Variants in HNRNPLL observed in about 807,000 individuals in gnomAD.
The protein encoded by HNRNPLL is heterogeneous nuclear ribonucleoprotein L-like.
Under a neutral mutation model 67.1 loss-of-function variants are expected in HNRNPLL, and 25 were observed. The observed-to-expected ratio is 0.37, with a 90% CI of 0.27 to 0.52. The LOEUF is 0.52. HNRNPLL is among the 20% of genes least tolerant of loss of function. HNRNPLL has a pLI of 0.90. For synonymous variants in HNRNPLL, 267 were observed against 241.7 expected (o/e 1.10, Z -0.97); for missense variants, 542 against 673.9 (o/e 0.80, Z 2.17).
chr2:38,588,222 T>A (rs17493594), intron 2 of HNRNPLL, among the ~76,000 whole-genome samples: 1 of 152,078 alleles, frequency 6.6e-6, no homozygotes, highest in Non-Finnish European at 1.5e-5. Flanking sequence ...TGGCCTGTTA[T>A]AGACTTAGTA....
chr2:38,602,595 G>A lies in HNRNPLL; in HGVS notation c.32C>T (p.Thr11Met), dbSNP rs34376380. ...CTCGTACTCCCGGTCCTCCTCGTAC[G>A]TCTCCCTGGGGGAGGAAGAGGAGGA... MSSSSSSPRE[T>M]YEEDREYESQ... Residue 11 changes from threonine (T) to methionine (M), a missense_variant, in exon 1 of 13, where the codon ACG becomes ATG. By Grantham distance (81) the Thr-to-Met change is moderately conservative (BLOSUM62 -1). This residue lies in a region of HNRNPLL where 127 missense variants were observed against 98.7 expected (regional missense o/e 1.29). Transcript: ENST00000449105. 39,764 of 1,570,720 alleles carry A rather than the reference G, an allele frequency of 0.025. 621 individuals are homozygous for A. Among genetic ancestry groups the A allele is most frequent in the Non-Finnish European group, 0.031 (35,660 of 1,161,014 alleles).
At chr2:38,602,401 G>A in intron 1 of HNRNPLL, 37 bp downstream of exon 1, 3 of 1,543,992 alleles carry the variant, frequency 1.9e-6, no homozygotes, top group Non-Finnish European at 2.6e-6. Context: ...CCGGGGAGCA[G>A]CCAGGCACAG....
intron 8 of HNRNPLL, 29 bp from the exon 9 acceptor site, chr2:38,569,954 C>T: frequency 2.0e-6 from 3 of 1,520,276 alleles, no homozygotes; most frequent in African/African-American, 1.4e-5. Context: ...AAAAAGGTGA[C>T]CATTTAATTC....
intron 12 of HNRNPLL, among the ~76,000 whole-genome samples, chr2:38,567,790 C>CA (rs1237388019): frequency 6.6e-6 from 1 of 152,176 alleles, no homozygotes; most frequent in African/African-American, 2.4e-5. Flanking sequence ...CAGCTACCAT[C>CA]AAAAGGCCAA....
At chr2:38,589,290 T>G (rs1486607599) in intron 2 of HNRNPLL, among the ~76,000 whole-genome samples, 3 of 152,208 alleles carry the variant, frequency 2.0e-5, no homozygotes, top group African/African-American at 7.2e-5. Flanking sequence ...TACTACATAC[T>G]GAACTTGGTG....
intron 7 of HNRNPLL, among the ~76,000 whole-genome samples, chr2:38,575,747 G>A (rs1227306273): frequency 6.6e-6 from 1 of 151,814 alleles, no homozygotes; most frequent in Non-Finnish European, 1.5e-5. Context: ...AAGTAAACCT[G>A]TTTTGCTGAA....
At chr2:38,593,330 T>C (rs1383072858) in intron 1 of HNRNPLL, among the ~76,000 whole-genome samples, 2 of 152,068 alleles carry the variant, frequency 1.3e-5, no homozygotes, top group Non-Finnish European at 2.9e-5. Context: ...TAACTGGAAA[T>C]GAATAAAGCA....
intron 6 of HNRNPLL, among the ~76,000 whole-genome samples, chr2:38,580,146 T>C (rs1037464241): frequency 4.6e-5 from 7 of 152,132 alleles, no homozygotes; most frequent in Non-Finnish European, 7.4e-5. Context: ...CCACAACTAT[T>C]TCAAATGAGA....
chr2:38,582,140 C>T lies in HNRNPLL; in HGVS notation c.661G>A (p.Ala221Thr). ...TCAGCTCCATTGAGTGCTGCTTTAG[C>T]TTTCTGGGCACAAAGGACTGATTCA... is the stretch of plus-strand genomic sequence containing the variant. ...EFESVLCAQK[A>T]KAALNGADIY... is the part of the protein sequence containing the mutation. Residue 221 changes from alanine (A) to threonine (T), a missense_variant, in exon 5 of 13, where the codon GCT (alanine) becomes ACT (threonine). By Grantham distance (58) the Ala-to-Thr change is moderately conservative. Around this residue, in one of 2 missense-constraint regions of HNRNPLL, gnomAD observed 415 missense variants for 575.2 expected, o/e 0.72. Transcript: ENST00000449105. The T allele has an allele frequency of 1.2e-6, 2 of 1,613,976 alleles. No individual in the cohort carries two copies. The highest frequency in any genetic ancestry group is 1.3e-5 in the African/African-American group (1 of 75,036).
At chr2:38,583,101 T>C (rs1202214282) in intron 4 of HNRNPLL, among the ~76,000 whole-genome samples, 1 of 152,084 alleles carries the variant, frequency 6.6e-6, no homozygotes, top group Non-Finnish European at 1.5e-5. Flanking sequence ...AACAAATACA[T>C]GATTTTTACA....
intron 7 of HNRNPLL, among the ~76,000 whole-genome samples, chr2:38,574,159 T>C (rs1463753840): frequency 6.6e-6 from 1 of 151,840 alleles, no homozygotes; most frequent in African/African-American, 2.4e-5. Flanking sequence ...CTTGCTAACT[T>C]TAGAGTAGCT....
chr2:38,587,266 T>C (rs930163367), intron 2 of HNRNPLL, among the ~76,000 whole-genome samples: 1 of 152,192 alleles, frequency 6.6e-6, no homozygotes, highest in African/African-American at 2.4e-5. Context: ...TTATAAAACT[T>C]GGAGAATTGT....
Position 38,572,212 on chromosome 2 carries a change from ATGTTT to A in HNRNPLL, c.1092+993_1092+997del, listed in dbSNP as rs55761392. Among the ~76,000 whole-genome samples, 317 of 151,320 alleles carry A rather than the reference ATGTTT, an allele frequency of 2.1e-3. 1 individual carries two copies. The highest frequency in any genetic ancestry group is 2.3e-3 in the African/African-American group (93 of 40,988). On this transcript the variant is annotated intron_variant, in intron 8 of 12. Transcript: ENST00000449105. ...TGTTATCTCCCAGACCAAATGTGGAATGTTTTGTTTTGTTTTGTTTTGTTTTTTAC... is the reference window on the plus strand; with the variant it reads ...TGTTATCTCCCAGACCAAATGTGGAATGTTTTGTTTTGTTTTGTTTTTTAC...
intron 6 of HNRNPLL, 73 bp downstream of exon 6, chr2:38,581,840 G>GA: frequency 3.1e-6 from 3 of 975,282 alleles, no homozygotes; most frequent in Non-Finnish European, 1.6e-6. Flanking sequence ...CTCATCTCAG[G>GA]AAAAAAGAAT....
intron 2 of HNRNPLL, among the ~76,000 whole-genome samples, chr2:38,588,938 C>T (rs1039627852): frequency 3.9e-5 from 6 of 152,112 alleles, no homozygotes; most frequent in Non-Finnish European, 8.8e-5. Context: ...ATGGTAGGAT[C>T]AATGCTTTTA....
intron 3 of HNRNPLL, among the ~76,000 whole-genome samples, chr2:38,584,931 A>G (rs1435876511): frequency 6.6e-6 from 1 of 151,880 alleles, no homozygotes; most frequent in Non-Finnish European, 1.5e-5. Flanking sequence ...CTATATATTA[A>G]TAAGTCTATA....
At chr2:38,596,349 C>G (rs923193581) in intron 1 of HNRNPLL, among the ~76,000 whole-genome samples, 4 of 152,218 alleles carry the variant, frequency 2.6e-5, no homozygotes, top group South Asian at 2.1e-4. Context: ...AAACCTGTCT[C>G]CTGGGTTCAA....
chr2:38,593,166 C>G (rs542060425), intron 1 of HNRNPLL, among the ~76,000 whole-genome samples: 2 of 152,332 alleles, frequency 1.3e-5, no homozygotes, highest in African/African-American at 2.4e-5. Flanking sequence ...TATGGTTAAA[C>G]AGATATCCCT....
intron 6 of HNRNPLL, among the ~76,000 whole-genome samples, chr2:38,578,592 C>T (rs1666396475): frequency 6.6e-6 from 1 of 151,988 alleles, no homozygotes; most frequent in Non-Finnish European, 1.5e-5. Context: ...GTTTTAATCA[C>T]CTATTCCAAG....
Sources: gnomAD v4.1 joint callset for allele counts (sites outside exome capture counted in the v4.1 genomes callset) on GRCh38, gnomAD v4.1.1 for gene constraint, gnomAD v4.1.1 regional missense constraint, MANE v1.5 for transcripts, NCBI Gene and HGNC (gene_info 2026-07-23, HGNC 2026-07-21) for gene names.